Variants in RGS5 observed in about 807,000 individuals in gnomAD.
The protein encoded by RGS5 is regulator of G-protein signalling 5.
RGS5 carries 20 observed loss-of-function variants against 18.9 expected under a neutral mutation model. That is an observed-to-expected ratio of 1.06 (90% CI 0.74 to 1.54). The LOEUF (loss-of-function observed/expected upper bound fraction) is 1.54, where lower values mean the gene tolerates loss of function less well. Ranked by LOEUF, RGS5 falls within the 40% of genes most tolerant of loss-of-function variation. RGS5 has a pLI of 0.00. For synonymous variants in RGS5, 57 were observed against 76.2 expected (o/e 0.75, Z 1.31); for missense variants, 201 against 211.8 (o/e 0.95, Z 0.32).
At chr1:163,182,515 C>T (rs958412181) in intron 1 of RGS5, among the ~76,000 whole-genome samples, 10 of 152,174 alleles carry the variant, frequency 6.6e-5, no homozygotes, top group African/African-American at 2.4e-4. Flanking sequence ...CTCTGACATG[C>T]TATCCCTCAG....
chr1:163,269,189 T>C (rs2101710672), intron 2 of RGS5, among the ~76,000 whole-genome samples: 1 of 152,208 alleles, frequency 6.6e-6, no homozygotes, highest in South Asian at 2.1e-4. Context: ...TAAAGAAATC[T>C]AGGAAATATT....
At chr1:163,221,461 G>A (rs762881818), upstream of RGS5, among the ~76,000 whole-genome samples, 7 of 151,898 alleles carry the variant, frequency 4.6e-5, no homozygotes, top group Non-Finnish European at 1.0e-4. Context: ...ACACCAGCCT[G>A]GGCAACAGAG....
intron 2 of RGS5, among the ~76,000 whole-genome samples, chr1:163,232,926 C>A (rs1486893745): frequency 2.0e-5 from 3 of 152,072 alleles, no homozygotes; most frequent in Non-Finnish European, 2.9e-5. Flanking sequence ...AATTTAACAT[C>A]GATAAAATAA....
chr1:163,314,670 C>T (rs1649968888), intron 1 of RGS5, among the ~76,000 whole-genome samples: 1 of 152,060 alleles, frequency 6.6e-6, no homozygotes, highest in South Asian at 2.1e-4. Flanking sequence ...TGTGTCTCCC[C>T]AAAATTCATA....
At position 163,162,409 on chromosome 1, in the gene RGS5, G is replaced by C. The variant is rs538949362; in HGVS notation, c.156-433C>G. 2.0e-5 allele frequency among the ~76,000 whole-genome samples: 3 copies of C among 152,238 alleles called. No homozygotes were observed. The South Asian group carries it at 6.2e-4, about 32-fold the overall frequency. On this transcript the variant is annotated intron_variant, in intron 2 of 4. Coordinates refer to ENST00000313961, the MANE Select transcript of RGS5 (RefSeq NM_003617.4). ...TTAACCACCTAACTGAATCAGCAGA[G>C]GGCATTGGGGTTCCACATCCACATC...
At chr1:163,187,538 C>CTTAAGGG (rs1389367833) in intron 1 of RGS5, among the ~76,000 whole-genome samples, 7 of 152,128 alleles carry the variant, frequency 4.6e-5, no homozygotes, top group Non-Finnish European at 1.0e-4. Flanking sequence ...TCTTAAGACA[C>CTTAAGGG]TCCCCTGACA....
At chr1:163,255,912 C>T (rs1035439679) in intron 2 of RGS5, among the ~76,000 whole-genome samples, 11 of 152,088 alleles carry the variant, frequency 7.2e-5, no homozygotes, top group Middle Eastern at 3.4e-3. Flanking sequence ...ATTCAACAAC[C>T]CTTCATGCTA....
intron 2 of RGS5, among the ~76,000 whole-genome samples, chr1:163,243,661 A>AAAAC (rs1157974454): frequency 6.6e-6 from 1 of 151,100 alleles, no homozygotes; most frequent in Non-Finnish European, 1.5e-5. Flanking sequence ...AAAAAAAAAA[A>AAAAC]AAAACCTAGA....
intron 2 of RGS5, among the ~76,000 whole-genome samples, chr1:163,269,607 A>G (rs1219409848): frequency 6.6e-6 from 1 of 152,190 alleles, no homozygotes; most frequent in Admixed American, 6.6e-5. Context: ...AGGACCATGC[A>G]ACTATTATGT....
chr1:163,239,320 CA>C (rs11346860), intron 2 of RGS5: 80,585 of 141,908 alleles, frequency 0.57, 24,240 homozygotes, highest in African/African-American at 0.83. Flanking sequence ...TACTAAAATC[CA>C]AAAAAAAAAA....
chr1:163,219,027 T>G (rs1251770381), upstream of RGS5, among the ~76,000 whole-genome samples: 2 of 152,144 alleles, frequency 1.3e-5, no homozygotes, highest in South Asian at 4.1e-4. Flanking sequence ...CAATGACTCT[T>G]ACCTGGATAG....
At chr1:163,270,352 GAAAAA>G (rs59181379) in intron 2 of RGS5, among the ~76,000 whole-genome samples, 2 of 94,700 alleles carry the variant, frequency 2.1e-5, no homozygotes, top group Non-Finnish European at 3.9e-5. Context: ...TCTCTATTGA[GAAAAA>G]AAAAAAAAAA....
chr1:163,177,950 G>A (rs929642019), intron 1 of RGS5, among the ~76,000 whole-genome samples: 3 of 152,160 alleles, frequency 2.0e-5, no homozygotes, highest in African/African-American at 4.8e-5. Flanking sequence ...ACTGAGATAC[G>A]CCAGCTTGTT....
At chr1:163,172,378 A>G (rs10917690) in intron 1 of RGS5, among the ~76,000 whole-genome samples, 40,235 of 152,162 alleles carry the variant, frequency 0.26, 6,174 homozygotes, top group East Asian at 0.45. Flanking sequence ...AATGGTAGTT[A>G]AATGCTCAAG....
intron 2 of RGS5, among the ~76,000 whole-genome samples, chr1:163,246,942 G>T (rs1647957699): frequency 6.6e-6 from 1 of 152,194 alleles, no homozygotes; most frequent in African/African-American, 2.4e-5. Context: ...CAACATGGAT[G>T]CAGCTGGGGG....
intron 1 of RGS5, among the ~76,000 whole-genome samples, chr1:163,183,770 T>C (rs1034101919): frequency 6.6e-5 from 10 of 152,204 alleles, no homozygotes; most frequent in Non-Finnish European, 1.2e-4. Context: ...AGCTTCTCCC[T>C]GAGGGAGATC....
intron 1 of RGS5, among the ~76,000 whole-genome samples, chr1:163,313,377 G>A (rs767051118): frequency 1.3e-5 from 2 of 152,142 alleles, no homozygotes; most frequent in African/African-American, 4.8e-5. Flanking sequence ...AAATCACTAA[G>A]CTGTGAAATA....
intron 4 of RGS5, among the ~76,000 whole-genome samples, chr1:163,149,918 T>C (rs1453296250): frequency 6.6e-6 from 1 of 152,174 alleles, no homozygotes; most frequent in Non-Finnish European, 1.5e-5. Context: ...CACATACATA[T>C]ACACAAGATG....
In RGS5 at chr1:163,282,217, C is replaced by T. The variant is rs186620322; in HGVS notation, c.-281+24016G>A. ...AGCGACTATCAATATCCAGAATATA[C>T]GAACAACTCAACTCAACAGCAAACA... On this transcript the variant is annotated intron_variant, in intron 2 of 5. Coordinates refer to the RGS5 transcript ENST00000618415. Among the ~76,000 whole-genome samples the T allele has an allele frequency of 1.7e-3, 260 of 151,860 alleles. 2 individuals carry two copies. Among genetic ancestry groups the T allele is most frequent in the African/African-American group, 6.0e-3 (247 of 41,466 alleles).
Sources: allele counts gnomAD v4.1 joint callset (sites outside exome capture counted in the v4.1 genomes callset), GRCh38; gene constraint gnomAD v4.1.1; transcripts MANE v1.5; gene names NCBI Gene and HGNC (gene_info 2026-07-23, HGNC 2026-07-21).